TTC6: variants seen among roughly 807,000 people sequenced by gnomAD.
TTC6 encodes the protein tetratricopeptide repeat domain 6.
In TTC6, 172 loss-of-function variants were observed where a neutral mutation model predicts 210.4. That is an observed-to-expected ratio of 0.82 (90% confidence interval 0.72 to 0.93). The LOEUF is 0.93. TTC6 is among the 40% of genes least tolerant of loss of function. The pLI is 0.00. For synonymous variants in TTC6, 804 were observed against 819.6 expected, an observed-to-expected ratio of 0.98 and a Z score of 0.32; for missense variants, 2,414 against 2,318.1, an observed-to-expected ratio of 1.04 and a Z score of -0.85.
At chr14:37,702,205 A>G (rs1479830463) in intron 5 of TTC6, among the ~76,000 whole-genome samples, 1 of 152,144 alleles carries the variant, frequency 6.6e-6, no homozygotes, top group Admixed American at 6.6e-5. Context: ...TCATGAAGAA[A>G]TTTAGGGTTC....
At position 37,776,043 on chromosome 14, in the gene TTC6, CTTTTTTTT is replaced by C. The variant is rs1163694975; in HGVS notation, c.3267-11407_3267-11400del. Among the ~76,000 whole-genome samples the C allele has an allele frequency of 1.5e-4, 4 of 26,296 alleles. No individual in the cohort carries two copies. In the East Asian group the frequency reaches 3.7e-3, roughly 24 times the overall value. 17.3% of individuals were successfully genotyped at this position (26,296 alleles called of 152,430 possible). A position where few individuals can be genotyped will look rare whatever the true frequency, so the allele number is the denominator to read the frequency against. ...TTTGGCGTACCACTGGGTCTTGATTCTTTTTTTTTTTTTTTTTTTTTTTTTGAGACGGA... is the reference window on the plus strand; with the variant it reads ...TTTGGCGTACCACTGGGTCTTGATTCTTTTTTTTTTTTTTTTTGAGACGGA... On this transcript the variant is annotated intron_variant, in intron 14 of 30. Transcript: ENST00000553443.
exon 23 of TTC6, chr14:37,807,338 G>A (rs544623063): frequency 6.5e-7 from 1 of 1,529,004 alleles, no homozygotes; most frequent in Non-Finnish European, 8.8e-7. Flanking sequence ...AAGCCGAGTA[G>A]CATTCTATGG....
chr14:37,729,404 C>T (rs943470983), intron 7 of TTC6, among the ~76,000 whole-genome samples: 3 of 152,160 alleles, frequency 2.0e-5, no homozygotes, highest in East Asian at 3.9e-4. Flanking sequence ...GCTGAGGGGG[C>T]ATACTTGACT....
At chr14:37,635,981 C>CA (rs71433909) in intron 1 of TTC6, among the ~76,000 whole-genome samples, 6,376 of 69,982 alleles carry the variant, frequency 0.091, 245 homozygotes, top group Non-Finnish European at 0.11. Context: ...ATTCCATTTC[C>CA]AAAAAAAAAA....
At chr14:37,614,599 T>C (rs1468249120) in intron 2 of TTC6, among the ~76,000 whole-genome samples, 1 of 152,178 alleles carries the variant, frequency 6.6e-6, no homozygotes, top group Non-Finnish European at 1.5e-5. Context: ...GACCATTCTT[T>C]AGCATTTCTT....
At chr14:37,812,549 C>T in intron 25 of TTC6, 116 bp downstream of exon 27, 1 of 1,013,838 alleles carries the variant, frequency 9.9e-7, no homozygotes. Context: ...TCAACTTTAG[C>T]AAGAATTCTA....
intron 4 of TTC6, among the ~76,000 whole-genome samples, chr14:37,700,159 G>A (rs1248646306): frequency 1.3e-5 from 2 of 152,128 alleles, no homozygotes; most frequent in Admixed American, 1.3e-4. Flanking sequence ...GGTTGTATAA[G>A]CTTTAGTAGG....
At chr14:37,734,327 T>A (rs2095895723) in intron 7 of TTC6, among the ~76,000 whole-genome samples, 1 of 152,206 alleles carries the variant, frequency 6.6e-6, no homozygotes, top group African/African-American at 2.4e-5. Context: ...AGGCTCCACA[T>A]CTCAGATAGA....
chr14:37,785,594 T>C (rs1318243013), intron 14 of TTC6, among the ~76,000 whole-genome samples: 1 of 152,182 alleles, frequency 6.6e-6, no homozygotes, highest in African/African-American at 2.4e-5. Context: ...AGTTTGTTTT[T>C]ACCGATCGTC....
At chr14:37,809,410 G>A (rs2096125254) in intron 24 of TTC6, among the ~76,000 whole-genome samples, 1 of 151,932 alleles carries the variant, frequency 6.6e-6, no homozygotes, top group Non-Finnish European at 1.5e-5. Context: ...CCCCAATCAT[G>A]CCCTGCTAAT....
chr14:37,727,434 C>T (rs76580664), intron 7 of TTC6, among the ~76,000 whole-genome samples: 12,901 of 151,088 alleles, frequency 0.085, 617 homozygotes, highest in Middle Eastern at 0.12. Context: ...GCCGGGACTA[C>T]AGGCGCACAC....
intron 1 of TTC6, among the ~76,000 whole-genome samples, chr14:37,656,536 T>TGC (rs1303603546): frequency 1.3e-5 from 2 of 149,774 alleles, no homozygotes; most frequent in Non-Finnish European, 3.0e-5. Context: ...TGTGTGTGTG[T>TGC]GTGTGCGTGT....
In TTC6 at chr14:37,689,086, G is replaced by T. The variant is rs573434318; in HGVS notation, c.1257+6122G>T. Among the ~76,000 whole-genome samples, 120 of 152,110 alleles carry T rather than the reference G, an allele frequency of 7.9e-4. 1 individual carries two copies. The highest frequency in any genetic ancestry group is 6.8e-3 in the Middle Eastern group (2 of 294). ...CAAGATAACACAGAGAATCAATTCA[G>T]AATTCTATCTTAGAAATTTAACAAA... On this transcript the variant is annotated intron_variant, in intron 3 of 30. Coordinates refer to ENST00000553443, the Ensembl canonical transcript of TTC6.
chr14:37,609,250 A>T (rs2095630385), intron 2 of TTC6, among the ~76,000 whole-genome samples: 1 of 151,634 alleles, frequency 6.6e-6, no homozygotes, highest in African/African-American at 2.4e-5. Context: ...CTGTCTCTAC[A>T]ATATATATAT....
chr14:37,841,919 GA>G (rs2096211062), intron 30 of TTC6, among the ~76,000 whole-genome samples: 1 of 152,098 alleles, frequency 6.6e-6, no homozygotes. Flanking sequence ...ACCTTTCAAA[GA>G]AAGACATTGT....
chr14:37,716,735 G>A (rs773619060), intron 6 of TTC6, among the ~76,000 whole-genome samples: 54 of 152,054 alleles, frequency 3.6e-4, no homozygotes, highest in Non-Finnish European at 2.9e-5. Context: ...ATTATAGTTG[G>A]AGAGTTCAGC....
chr14:37,807,426 A>T (rs74824955), exon 23 of TTC6: 7 of 1,529,426 alleles, frequency 4.6e-6, no homozygotes, highest in Non-Finnish European at 6.1e-6. Flanking sequence ...GTACGTGCCT[A>T]TCTCTACAGA....
chr14:37,606,487 A>T (rs1447968055), intron 1 of TTC6, among the ~76,000 whole-genome samples, 176 bp from the exon 2 acceptor site: 1 of 152,102 alleles, frequency 6.6e-6, no homozygotes, highest in Non-Finnish European at 1.5e-5. Flanking sequence ...CTACAGTCCC[A>T]TCAGCAGCTC....
intron 13 of TTC6, among the ~76,000 whole-genome samples, chr14:37,751,583 T>C (rs1343909003): frequency 1.3e-5 from 2 of 152,150 alleles, no homozygotes; most frequent in East Asian, 3.9e-4. Context: ...TATTTTCTAC[T>C]TTTTAACTCT....
Sources: gnomAD v4.1 joint callset for allele counts (sites outside exome capture counted in the v4.1 genomes callset) on GRCh38, gnomAD v4.1.1 for gene constraint, MANE v1.5 for transcripts, NCBI Gene and HGNC (gene_info 2026-07-23, HGNC 2026-07-21) for gene names.